Variants in PCDH15 observed in about 807,000 individuals in gnomAD.
PCDH15 encodes protocadherin-15.
A neutral mutation model predicts 178.5 loss-of-function variants in PCDH15; 129 were observed. The ratio of observed to expected loss-of-function variants is 0.72; its 90% CI spans 0.63 to 0.84. The LOEUF is 0.84. Ranked by LOEUF, PCDH15 falls within the 40% of genes least tolerant of loss-of-function variation. The probability of loss-of-function intolerance (pLI) is 0.00; values close to 1 mark genes in which losing one functional copy is unlikely to be tolerated. For missense variants in PCDH15, 2,230 were observed against 2,099.9 expected (o/e 1.06, Z -1.21); for synonymous variants, 800 against 732.0 (o/e 1.09, Z -1.50).
intron 2 of PCDH15, among the ~76,000 whole-genome samples, chr10:55,448,450 T>G (rs7073734): frequency 0.37 from 56,822 of 151,884 alleles, 12,142 homozygotes; most frequent in African/African-American, 0.59. Context: ...AGTTTATACC[T>G]GCAAAATCAT....
In PCDH15 at chr10:53,822,312, G is replaced by A. The variant is rs114137983; in HGVS notation, c.4368-2082C>T. The A allele has an allele frequency of 7.2e-4, 1,163 of 1,609,358 alleles. 2 individuals are homozygous for A. The highest frequency in any genetic ancestry group is 6.6e-3 in the African/African-American group (496 of 74,848). Reference sequence around the variant, plus strand: ...TGGAGGTAGAAGAGGTGGTGTTGGGGGACCAGACGTTGAAACGGAAAGTGG... The same window carrying A: ...TGGAGGTAGAAGAGGTGGTGTTGGGAGACCAGACGTTGAAACGGAAAGTGG... On this transcript the variant is annotated intron_variant, in intron 32 of 37. Coordinates refer to ENST00000644397, the MANE Select transcript of PCDH15 (RefSeq NM_001384140.1).
chr10:54,152,892 A>C (rs1352978707), intron 14 of PCDH15, among the ~76,000 whole-genome samples: 1 of 152,098 alleles, frequency 6.6e-6, no homozygotes, highest in African/African-American at 2.4e-5. Context: ...TTCCATAATA[A>C]ATTTGAAATA....
chr10:54,095,771 C>T (rs79948656), intron 15 of PCDH15, among the ~76,000 whole-genome samples: 1,574 of 152,080 alleles, frequency 0.01, 29 homozygotes, highest in African/African-American at 0.037. Flanking sequence ...ACCTAGACTT[C>T]CGTTAGATTT....
At chr10:55,166,184 G>A (rs192897050) in intron 2 of PCDH15, among the ~76,000 whole-genome samples, 240 of 152,128 alleles carry the variant, frequency 1.6e-3, no homozygotes, top group African/African-American at 5.5e-3. Flanking sequence ...AAGAGCCATC[G>A]ACCTGATGGC....
intron 2 of PCDH15, among the ~76,000 whole-genome samples, chr10:55,071,566 A>T (rs1222451931): frequency 6.6e-6 from 1 of 152,180 alleles, no homozygotes; most frequent in Non-Finnish European, 1.5e-5. Context: ...ATATATATGC[A>T]CCCAATACAG....
intron 2 of PCDH15, among the ~76,000 whole-genome samples, chr10:54,536,644 C>T (rs1310851348): frequency 6.6e-6 from 1 of 152,136 alleles, no homozygotes; most frequent in East Asian, 1.9e-4. Flanking sequence ...TGTCCCTCTT[C>T]CACCCTCTCC....
chr10:54,357,776 A>T (rs1291336551), intron 5 of PCDH15, among the ~76,000 whole-genome samples: 1 of 152,206 alleles, frequency 6.6e-6, no homozygotes, highest in Non-Finnish European at 1.5e-5. Flanking sequence ...CTACAAGGCT[A>T]CAGTAACCAA....
At chr10:55,370,668 A>C (rs1211696357) in intron 2 of PCDH15, among the ~76,000 whole-genome samples, 2 of 152,078 alleles carry the variant, frequency 1.3e-5, no homozygotes, top group Non-Finnish European at 2.9e-5. Context: ...TATCCTTTTT[A>C]TATTTTGAAA....
intron 2 of PCDH15, among the ~76,000 whole-genome samples, chr10:55,098,442 A>T (rs1450612814): frequency 6.6e-6 from 1 of 152,190 alleles, no homozygotes; most frequent in Non-Finnish European, 1.5e-5. Context: ...TCTAAAAAAG[A>T]GTAGCCTGTG....
intron 2 of PCDH15, among the ~76,000 whole-genome samples, chr10:55,400,054 T>C (rs1838026365): frequency 6.6e-6 from 1 of 152,168 alleles, no homozygotes; most frequent in Non-Finnish European, 1.5e-5. Flanking sequence ...TAACAATCTA[T>C]GTGTTCAATC....
chr10:55,155,702 A>C (rs1838866214), intron 2 of PCDH15, among the ~76,000 whole-genome samples: 1 of 152,092 alleles, frequency 6.6e-6, no homozygotes, highest in Non-Finnish European at 1.5e-5. Context: ...GTTTCCTTAA[A>C]GAGTTTGTCT....
chr10:54,951,253 C>T (rs10763154), intron 2 of PCDH15, among the ~76,000 whole-genome samples: 51,561 of 151,508 alleles, frequency 0.34, 9,462 homozygotes, highest in East Asian at 0.68. Context: ...CTCTAGAAAT[C>T]ACTGAAAGTT....
intron 2 of PCDH15, among the ~76,000 whole-genome samples, chr10:55,011,807 A>C (rs150479374): frequency 0.01 from 1,582 of 152,202 alleles, 26 homozygotes; most frequent in African/African-American, 0.035. Flanking sequence ...AAAGGGATCA[A>C]GAAAATGATG....
At chr10:54,349,767 A>G (rs550804909) in intron 5 of PCDH15, among the ~76,000 whole-genome samples, 36 of 152,186 alleles carry the variant, frequency 2.4e-4, no homozygotes, top group Non-Finnish European at 4.3e-4. Flanking sequence ...AAGCCTACCA[A>G]AGATTGATAA....
At chr10:55,157,298 G>A (rs1487128569) in intron 2 of PCDH15, among the ~76,000 whole-genome samples, 1 of 150,798 alleles carries the variant, frequency 6.6e-6, no homozygotes, top group Non-Finnish European at 1.5e-5. Context: ...TAAAAAGTCA[G>A]GAAACAACAG....
chr10:54,907,228 T>C (rs2131830843), intron 2 of PCDH15, among the ~76,000 whole-genome samples: 1 of 152,308 alleles, frequency 6.6e-6, no homozygotes, highest in South Asian at 2.1e-4. Flanking sequence ...CACTAATAAA[T>C]ATATGACACA....
At chr10:54,403,049 AG>A (rs1276757508) in intron 3 of PCDH15, among the ~76,000 whole-genome samples, 1 of 152,066 alleles carries the variant, frequency 6.6e-6, no homozygotes, top group African/African-American at 2.4e-5. Flanking sequence ...AAACTTCTTA[AG>A]GGAAACTAAA....
chr10:54,983,559 C>T (rs1219421322), intron 2 of PCDH15, among the ~76,000 whole-genome samples: 1 of 151,962 alleles, frequency 6.6e-6, no homozygotes, highest in East Asian at 1.9e-4. Context: ...AAATAGTAAC[C>T]CAGGGTCACT....
intron 2 of PCDH15, among the ~76,000 whole-genome samples, chr10:55,074,420 T>C (rs1394682500): frequency 6.6e-6 from 1 of 152,192 alleles, no homozygotes; most frequent in Non-Finnish European, 1.5e-5. Flanking sequence ...TGGCATGAGA[T>C]GGTATCTCAT....
Sources: gnomAD v4.1 joint callset for allele counts (sites outside exome capture counted in the v4.1 genomes callset) on GRCh38, gnomAD v4.1.1 for gene constraint, MANE v1.5 for transcripts, NCBI Gene and HGNC (gene_info 2026-07-23, HGNC 2026-07-21) for gene names.